Variants in BCL2L10 observed in about 807,000 individuals in gnomAD.
BCL2L10 encodes the protein bcl-2-like protein 10.
In BCL2L10, 14 loss-of-function variants were observed where a neutral mutation model predicts 11.1. That is an observed-to-expected ratio of 1.26 (90% CI 0.83 to 1.96). BCL2L10 has a LOEUF of 1.96. BCL2L10 is among the 30% of genes most tolerant of loss of function. The pLI is 0.00. For synonymous variants in BCL2L10, 154 were observed against 133.4 expected (o/e 1.15, Z -1.07); for missense variants, 309 against 273.9 (o/e 1.13, Z -0.90).
chr15:52,112,357 G>T lies in BCL2L10; in HGVS notation c.370C>A (p.Gln124Lys). ...CCCTCCTGCTCCTTTAGCCGCGGCT[G>T]GAAGCCCCACTTCTTCCACCGGGCG... ...VTARWKKWGF[Q>K]PRLKEQEGDV... The change falls in exon 1 of 2, where the codon CAG (glutamine) becomes AAG (lysine). Residue 124 changes from glutamine to lysine, a missense_variant. Transcript: ENST00000260442. 1 of 1,602,424 alleles carries T rather than the reference G, an allele frequency of 6.2e-7. No individual in the cohort carries two copies. Among genetic ancestry groups the T allele is most frequent in the East Asian group, 2.2e-5 (1 of 44,574 alleles).
Position 52,109,631 on chromosome 15 carries a change from C to T in BCL2L10, c.*217G>A, listed in dbSNP as rs1408952179. ...GAGGCTCTAGACTCCCCATTTCTTT[C>T]ACTCAAGGAAGAGCCATTTGCATTC... On this transcript the variant is annotated 3_prime_UTR_variant, in exon 2 of 2. Coordinates refer to ENST00000260442, the MANE Select transcript of BCL2L10 (RefSeq NM_020396.4). 1.9e-6 allele frequency: 1 copy of T among 530,036 alleles called. No individual in the cohort carries two copies. Among genetic ancestry groups the T allele is most frequent in the Non-Finnish European group, 3.2e-6 (1 of 308,212 alleles). The allele number at this position is 530,036 out of a possible 1,614,324, so 32.8% of individuals were successfully genotyped here.
rs2033027059 is a variant in BCL2L10, at chr15:52,109,901, G to T, written c.562C>A (p.Leu188Met). The part of the protein sequence containing the change: ...FWRKQLVQAF[L>M]SCLLTTAFIY... ...AAGGCTGTTGTTAACAAGCATGACA[G>T]AAAAGCCTGGACCAGCTGTTTTCTC... The change falls in exon 2 of 2, where the codon CTG becomes ATG. Residue 188 changes from leucine (L) to methionine (M), a missense_variant. Physicochemically the swap from Leu to Met is conservative, Grantham distance 15 (BLOSUM62 2). Transcript: ENST00000260442. 6.2e-7 allele frequency: 1 copy of T among 1,613,760 alleles called. No homozygotes were observed. The highest frequency in any genetic ancestry group is 8.5e-7 in the Non-Finnish European group (1 of 1,179,860).
In BCL2L10 at chr15:52,109,910, G is replaced by A. The variant is rs1302145523; in HGVS notation, c.553C>T (p.Gln185Ter). ...GTTAACAAGCATGACAGAAAAGCCTGGACCAGCTGTTTTCTCCAAAAAGCC... is the reference window on the plus strand; with the variant it reads ...GTTAACAAGCATGACAGAAAAGCCTAGACCAGCTGTTTTCTCCAAAAAGCC... ...PLAFWRKQLVQAFLSCLLTTA... is the reference protein window; with the variant it reads ...PLAFWRKQLV The change falls in exon 2 of 2, where the codon CAG becomes TAG. Residue 185 changes from glutamine to a stop codon, truncating the protein, a stop_gained. Transcript: ENST00000260442. LOFTEE classifies it low-confidence loss of function (END_TRUNC). 1 of 1,613,674 alleles carries A rather than the reference G, an allele frequency of 6.2e-7. No individual in the cohort carries two copies. Among genetic ancestry groups the A allele is most frequent in the Non-Finnish European group, 8.5e-7 (1 of 1,179,798 alleles).
intron 1 of BCL2L10, among the ~76,000 whole-genome samples, chr15:52,111,489 T>C (rs534036152): frequency 1.3e-5 from 2 of 152,262 alleles, no homozygotes; most frequent in Admixed American, 6.5e-5. Flanking sequence ...CTTCAGTCAT[T>C]GAATCAACGC....
At chr15:52,111,292 C>G (rs560228547) in intron 1 of BCL2L10, among the ~76,000 whole-genome samples, 1 of 151,690 alleles carries the variant, frequency 6.6e-6, no homozygotes, top group East Asian at 1.9e-4. Context: ...TCCTTGAACC[C>G]GGGAGGCAGA....
intron 1 of BCL2L10, among the ~76,000 whole-genome samples, chr15:52,111,159 C>T (rs75354455): frequency 0.078 from 11,120 of 143,436 alleles, 624 homozygotes; most frequent in Admixed American, 0.17. Flanking sequence ...TGGTGAAAGC[C>T]CATCTCTACT....
intron 1 of BCL2L10, 179 bp downstream of exon 1, chr15:52,112,059 G>T: frequency 8.1e-7 from 1 of 1,240,458 alleles, no homozygotes; most frequent in Non-Finnish European, 1.1e-6. Context: ...CTTTCTGCCA[G>T]GGGAGGAGAA....
rs200846236 is a variant in BCL2L10, at chr15:52,112,632, C to T, written c.95G>A (p.Arg32Gln). ...CGCCGGCTCGGGGGTGCCGGGTTCCCGGGCGCAGTACCCCAGGTAGTCGGC... is the reference window on the plus strand; with the variant it reads ...CGCCGGCTCGGGGGTGCCGGGTTCCTGGGCGCAGTACCCCAGGTAGTCGGC... Reference protein sequence around the residue: ...LLADYLGYCAREPGTPEPAPS... With the variant: ...LLADYLGYCAQEPGTPEPAPS... Residue 32 changes from arginine (R) to glutamine (Q), a missense_variant, in exon 1 of 2, where the codon CGG (arginine) becomes CAG (glutamine). Arg to Gln is a conservative substitution (Grantham distance 43). Coordinates refer to ENST00000260442, the MANE Select transcript of BCL2L10 (RefSeq NM_020396.4). The T allele has an allele frequency of 2.1e-4, 322 of 1,564,296 alleles. 1 individual carries two copies. The African/African-American group carries it at 3.8e-3, about 19-fold the overall frequency.
In BCL2L10 at chr15:52,112,732, G is replaced by A; in HGVS notation, c.-6C>T. Reference sequence around the variant, plus strand: ...TCCCGCAACTGGTCAACCATGGTCCGGCCTCTGCTGGGGGGCCGGGCCTTC... The same window carrying A: ...TCCCGCAACTGGTCAACCATGGTCCAGCCTCTGCTGGGGGGCCGGGCCTTC... On this transcript the variant is annotated 5_prime_UTR_variant, in exon 1 of 2. Transcript: ENST00000260442. The A allele has an allele frequency of 6.6e-7, 1 of 1,524,916 alleles. No homozygotes were observed. 94.5% of individuals were successfully genotyped at this position (1,524,916 alleles called of 1,614,324 possible).
chr15:52,109,862 TC>T lies in BCL2L10; in HGVS notation c.600del (p.Trp200Ter), dbSNP rs1289785511. 6.2e-7 allele frequency: 1 copy of T among 1,613,762 alleles called. No individual in the cohort carries two copies. The highest frequency in any genetic ancestry group is 1.3e-5 in the African/African-American group (1 of 74,876). On this transcript the variant is annotated frameshift_variant, in exon 2 of 2. Transcript: ENST00000260442. LOFTEE classifies it high-confidence loss of function. ...AGTTTTAAAACTCATAATAATCGTG[TC>T]CAGAGATAAATGAAGGCTGTTGTTA... ...CLLTTAFIYLWTRLL is the reference protein window; with the variant it reads ...CLLTTAFIYLXTRLL
chr15:52,110,417 T>C (rs573587041), intron 1 of BCL2L10, among the ~76,000 whole-genome samples: 1 of 145,750 alleles, frequency 6.9e-6, no homozygotes, highest in South Asian at 2.2e-4. Context: ...GTGAACTATG[T>C]TTACCCAATT....
chr15:52,112,127 C>G, intron 1 of BCL2L10, 111 bp downstream of exon 1: 1 of 1,391,566 alleles, frequency 7.2e-7, no homozygotes, highest in Non-Finnish European at 9.3e-7. Flanking sequence ...TCTGCTTTCA[C>G]GAAACCTCGT....
chr15:52,111,316 T>TG (rs549324875), intron 1 of BCL2L10, among the ~76,000 whole-genome samples: 3 of 151,852 alleles, frequency 2.0e-5, no homozygotes, highest in Admixed American at 2.0e-4. Context: ...TGCAGTGAGC[T>TG]GGGATCCACC....
At chr15:52,111,299 C>T (rs914690316) in intron 1 of BCL2L10, among the ~76,000 whole-genome samples, 1 of 151,674 alleles carries the variant, frequency 6.6e-6, no homozygotes, top group Admixed American at 6.6e-5. Flanking sequence ...ACCCGGGAGG[C>T]AGAGGTTGCA....
Position 52,109,464 on chromosome 15 carries a change from C to T in BCL2L10, c.*384G>A, listed in dbSNP as rs927691193. 3 of 164,512 alleles carry T rather than the reference C, an allele frequency of 1.8e-5. No individual in the cohort carries two copies. The highest frequency in any genetic ancestry group is 3.9e-5 in the Non-Finnish European group (3 of 76,710). 10.2% of individuals were successfully genotyped at this position (164,512 alleles called of 1,614,324 possible). Reference sequence around the variant, plus strand: ...TACTTTGGGGATTATTTTGCCCCAGCTGTGGCCATGTTTAAAATTAGTCAG... The same window carrying T: ...TACTTTGGGGATTATTTTGCCCCAGTTGTGGCCATGTTTAAAATTAGTCAG... On this transcript the variant is annotated 3_prime_UTR_variant, in exon 2 of 2. Transcript: ENST00000260442.
In BCL2L10 at chr15:52,112,490, C is replaced by T. The variant is rs2033075421; in HGVS notation, c.237G>A (p.Ala79=). 3.1e-6 allele frequency: 5 copies of T among 1,602,744 alleles called. No homozygotes were observed. Among genetic ancestry groups the T allele is most frequent in the Non-Finnish European group, 4.2e-6 (5 of 1,178,842 alleles). The change falls in exon 1 of 2, where the codon GCG becomes GCA. Residue 79 remains alanine, a synonymous_variant. Coordinates refer to ENST00000260442, the MANE Select transcript of BCL2L10 (RefSeq NM_020396.4). ...CGGAGAGCACGGAATCCGCCATCAG[C>T]GCCACCAGCTCGAAGCGGTTCCCGG... ...GYPGNRFELV[A]LMADSVLSDS... is the part of the protein sequence containing the mutation.
In BCL2L10 at chr15:52,112,497, A is replaced by G; in HGVS notation, c.230T>C (p.Leu77Pro). The G allele has an allele frequency of 6.2e-7, 1 of 1,601,176 alleles. No individual in the cohort carries two copies. Among genetic ancestry groups the G allele is most frequent in the Non-Finnish European group, 8.5e-7 (1 of 1,178,030 alleles). ...CACGGAATCCGCCATCAGCGCCACCAGCTCGAAGCGGTTCCCGGGGTAGCC... is the reference window on the plus strand; with the variant it reads ...CACGGAATCCGCCATCAGCGCCACCGGCTCGAAGCGGTTCCCGGGGTAGCC... ...YLGYPGNRFE[L>P]VALMADSVLS... Residue 77 changes from leucine (L) to proline (P), a missense_variant, in exon 1 of 2, where the codon CTG (leucine) becomes CCG (proline). Physicochemically the swap from Leu to Pro is moderately conservative, Grantham distance 98 (BLOSUM62 -3). Coordinates refer to ENST00000260442, the MANE Select transcript of BCL2L10 (RefSeq NM_020396.4).
At chr15:52,112,045 C>A (rs954819493) in intron 1 of BCL2L10, 193 bp downstream of exon 1, 97 of 1,159,014 alleles carry the variant, frequency 8.4e-5, no homozygotes, top group Admixed American at 1.8e-4. Flanking sequence ...CGATTTCTGC[C>A]GGCCTTTCTG....
In BCL2L10 at chr15:52,112,534, A is replaced by G. The variant is rs2033077398; in HGVS notation, c.193T>C (p.Ser65Pro). The G allele has an allele frequency of 6.3e-7, 1 of 1,591,764 alleles. No homozygotes were observed. The highest frequency in any genetic ancestry group is 2.2e-5 in the East Asian group (1 of 44,504). ...RLRQIHRSFF[S>P]AYLGYPGNRF... ...TTCCCGGGGTAGCCGAGGTAGGCGG[A>G]GAAAAAGGACCGGTGAATCTGCCGT... Residue 65 changes from serine (S) to proline (P), a missense_variant, in exon 1 of 2, where the codon TCC (serine) becomes CCC (proline). Physicochemically the swap from Ser to Pro is moderately conservative, Grantham distance 74. Coordinates refer to ENST00000260442, the MANE Select transcript of BCL2L10 (RefSeq NM_020396.4).
Sources: gnomAD v4.1 joint callset for allele counts (sites outside exome capture counted in the v4.1 genomes callset) on GRCh38, gnomAD v4.1.1 for gene constraint, MANE v1.5 for transcripts, NCBI Gene and HGNC (gene_info 2026-07-23, HGNC 2026-07-21) for gene names.